The following LRIG1 variants were observed in gnomAD, a reference collection of about 807,000 sequenced individuals.
LRIG1 encodes the protein leucine-rich repeats and immunoglobulin-like domains protein 1.
Under a neutral mutation model 99.2 loss-of-function variants are expected in LRIG1, and 48 were observed. The ratio of observed to expected loss-of-function variants is 0.48; its 90% CI spans 0.38 to 0.62. The LOEUF (loss-of-function observed/expected upper bound fraction) is 0.62. LRIG1 is among the 20% of genes least tolerant of loss of function. LRIG1 has a pLI of 0.00. For missense variants in LRIG1, 1,646 were observed against 1,434.4 expected (o/e 1.15, Z -2.38); for synonymous variants, 772 against 596.1 (o/e 1.29, Z -4.30).
chr3:66,480,906 T>C (rs372352099), intron 1 of LRIG1, among the ~76,000 whole-genome samples: 2 of 152,212 alleles, frequency 1.3e-5, no homozygotes, highest in African/African-American at 4.8e-5. Context: ...AGATTAAGAT[T>C]AAGATCTAAC....
At chr3:66,413,136 G>A in intron 5 of LRIG1, 122 bp from the exon 6 acceptor site, 2 of 1,144,948 alleles carry the variant, frequency 1.7e-6, no homozygotes, top group Non-Finnish European at 1.3e-6. Context: ...GGGATCCCTG[G>A]GAAGCCAGGA....
At chr3:66,382,684 ACCT>A (rs1490387496) in intron 15 of LRIG1, among the ~76,000 whole-genome samples, 10 of 152,336 alleles carry the variant, frequency 6.6e-5, no homozygotes, top group Admixed American at 5.2e-4. Context: ...TTCAGGAACA[ACCT>A]ACTACGTGGC....
At chr3:66,404,375 A>C in intron 9 of LRIG1, 1 of 1,272,290 alleles carries the variant, frequency 7.9e-7, no homozygotes, top group Non-Finnish European at 1.0e-6. Flanking sequence ...GCCCTCCTCC[A>C]GTCTTCCCTC....
intron 3 of LRIG1, among the ~76,000 whole-genome samples, chr3:66,445,274 G>T (rs1223309345): frequency 6.8e-6 from 1 of 146,124 alleles, no homozygotes; most frequent in Admixed American, 6.9e-5. Context: ...TAAAAGTAAG[G>T]TTTTTTTTTT....
intron 3 of LRIG1, among the ~76,000 whole-genome samples, chr3:66,427,734 G>C (rs918498512): frequency 2.6e-5 from 4 of 152,170 alleles, no homozygotes; most frequent in Non-Finnish European, 4.4e-5. Context: ...GAAATATAAA[G>C]GATTTTTACA....
rs1307022422 is a variant in LRIG1 at position 66,394,081 on chromosome 3, C to T, written c.1427G>A (p.Gly476Asp). 1 of 1,614,146 alleles carries T rather than the reference C, an allele frequency of 6.2e-7. No homozygotes were observed. The highest frequency in any genetic ancestry group is 1.1e-5 in the South Asian group (1 of 91,028). ...ATCAHPESLK[G>D]QSIFSVPPES... ...TGGTGGCACAGAGAAAATGCTCTGA[C>T]CCTTCAGTGATTCTGGGTGGGCACA... is the stretch of plus-strand genomic sequence containing the variant. The change falls in exon 12 of 19, where the codon GGT (glycine) becomes GAT (aspartate). Residue 476 changes from glycine (G) to aspartate (D), a missense_variant. Gly to Asp is a moderately conservative substitution (Grantham distance 94). Transcript: ENST00000273261.
At chr3:66,483,408 G>A (rs1214261307) in intron 1 of LRIG1, among the ~76,000 whole-genome samples, 4 of 152,246 alleles carry the variant, frequency 2.6e-5, no homozygotes, top group Admixed American at 1.3e-4. Context: ...TCCTGCCATA[G>A]AAGCTTCTAT....
At chr3:66,383,762 C>G (rs565727945) in intron 14 of LRIG1, among the ~76,000 whole-genome samples, 1 of 150,764 alleles carries the variant, frequency 6.6e-6, no homozygotes, top group Non-Finnish European at 1.5e-5. Flanking sequence ...TTAAAATGTT[C>G]TGTAGCTAAA....
At chr3:66,477,344 G>A (rs961353170) in intron 1 of LRIG1, among the ~76,000 whole-genome samples, 4 of 152,148 alleles carry the variant, frequency 2.6e-5, no homozygotes, top group East Asian at 1.9e-4. Context: ...TGGATTCCAC[G>A]GTATCCAAAC....
chr3:66,387,941 C>CA (rs35658477), intron 12 of LRIG1: 50,259 of 117,026 alleles, frequency 0.43, 10,803 homozygotes, highest in African/African-American at 0.6. Flanking sequence ...ACTAAAAATA[C>CA]AAAAAAAAAA....
At chr3:66,424,320 T>C (rs1225549321) in intron 3 of LRIG1, among the ~76,000 whole-genome samples, 1 of 150,968 alleles carries the variant, frequency 6.6e-6, no homozygotes, top group Non-Finnish European at 1.5e-5. Flanking sequence ...ATTCCAGAGG[T>C]AGCCTGCTGG....
At position 66,379,988 on chromosome 3, in the gene LRIG1, G is replaced by T; in HGVS notation, c.*275C>A. On this transcript the variant is annotated 3_prime_UTR_variant, in exon 19 of 19. Coordinates refer to ENST00000273261, the MANE Select transcript of LRIG1 (RefSeq NM_015541.3). The stretch of plus-strand genomic sequence containing the variant: ...TGTATAATTTTTTTCTGTTAACCAT[G>T]CACTAAAGATTAAAATAGCCTCTGT... The T allele has an allele frequency of 3.8e-6, 1 of 260,116 alleles. No individual in the cohort carries two copies. Among genetic ancestry groups the T allele is most frequent in the East Asian group, 7.2e-5 (1 of 13,824 alleles). The allele number at this position is 260,116 out of a possible 1,614,324, so 16.1% of individuals were successfully genotyped here.
In LRIG1 at chr3:66,424,194, T is replaced by C. The variant is rs574877498; in HGVS notation, c.366-6928A>G. ...CAACTTCTGCAGGATTCAGGGTGGC[T>C]AGACATCTGACAGATTCCCCAGCAT... On this transcript the variant is annotated intron_variant, in intron 3 of 18. Coordinates refer to ENST00000273261, the MANE Select transcript of LRIG1 (RefSeq NM_015541.3). 2.0e-5 allele frequency among the ~76,000 whole-genome samples: 3 copies of C among 152,204 alleles called. No individual in the cohort carries two copies. The Middle Eastern group carries it at 0.01, about 518-fold the overall frequency.
At chr3:66,388,856 C>T (rs1319618028) in intron 12 of LRIG1, among the ~76,000 whole-genome samples, 1 of 152,094 alleles carries the variant, frequency 6.6e-6, no homozygotes, top group East Asian at 1.9e-4. Context: ...ACAAGAAATC[C>T]AGGAGAGTAT....
At chr3:66,445,479 G>A (rs557803742) in intron 3 of LRIG1, among the ~76,000 whole-genome samples, 27 of 152,130 alleles carry the variant, frequency 1.8e-4, no homozygotes, top group Admixed American at 3.3e-4. Context: ...TAATTCCTCC[G>A]AAGGAAGGAT....
chr3:66,380,400 G>T lies in LRIG1; in HGVS notation c.3145C>A (p.Arg1049Ser). Residue 1049 changes from arginine (R) to serine (S), a missense_variant, in exon 19 of 19, where the codon CGC (arginine) becomes AGC (serine). Transcript: ENST00000273261. Reference protein sequence around the residue: ...ASSLTSGSPERAEAQYLLVSN... With the variant: ...ASSLTSGSPESAEAQYLLVSN... ...ACAAGCAAGTACTGGGCTTCCGCGC[G>T]CTCTGGACTGCCTGAAGTTAATGAA... 6.2e-7 allele frequency: 1 copy of T among 1,614,126 alleles called. No individual in the cohort carries two copies. Among genetic ancestry groups the T allele is most frequent in the Non-Finnish European group, 8.5e-7 (1 of 1,179,988 alleles).
At chr3:66,405,592 C>G (rs1161792006) in intron 8 of LRIG1, among the ~76,000 whole-genome samples, 1 of 152,216 alleles carries the variant, frequency 6.6e-6, no homozygotes, top group East Asian at 1.9e-4. Context: ...AGAGAGCGGA[C>G]ATCTGGCCCC....
In LRIG1 at chr3:66,474,293, C is replaced by T. The variant is rs185879789; in HGVS notation, c.219-11784G>A. 4.4e-3 allele frequency among the ~76,000 whole-genome samples: 666 copies of T among 151,916 alleles called. 10 individuals carry two copies. Among genetic ancestry groups the T allele is most frequent in the African/African-American group, 0.011 (473 of 41,442 alleles). ...TTTTATTTCTTTTTTTTAAATCATT[C>T]GCCAAAGTCCCTAAAAACAATGCCT... On this transcript the variant is annotated intron_variant, in intron 1 of 18. Coordinates refer to ENST00000273261, the MANE Select transcript of LRIG1 (RefSeq NM_015541.3).
chr3:66,408,964 T>TGTGGGGG (rs1575668634), intron 7 of LRIG1, among the ~76,000 whole-genome samples: 1 of 17,310 alleles, frequency 5.8e-5, no homozygotes, highest in Admixed American at 7.1e-4. Flanking sequence ...GTGTGTGTGG[T>TGTGGGGG]GGGGGGAGGG....
Sources: allele counts gnomAD v4.1 joint callset (sites outside exome capture counted in the v4.1 genomes callset), GRCh38; gene constraint gnomAD v4.1.1; transcripts MANE v1.5; gene names NCBI Gene and HGNC (gene_info 2026-07-23, HGNC 2026-07-21).